The following RHBDL3 variants were observed in gnomAD, a reference collection of about 807,000 sequenced individuals.
RHBDL3 encodes rhomboid like 3.
RHBDL3 carries 28 observed loss-of-function variants against 48.2 expected under a neutral mutation model. The ratio of observed to expected loss-of-function variants is 0.58; its 90% confidence interval spans 0.43 to 0.80. RHBDL3 has a LOEUF of 0.80. RHBDL3 is among the 30% of genes least tolerant of loss of function. RHBDL3 has a pLI of 0.00. For missense variants in RHBDL3, 464 were observed against 542.7 expected (o/e 0.85, Z 1.44); for synonymous variants, 208 against 232.3 (o/e 0.90, Z 0.95).
chr17:32,296,251 A>AG (rs2040444293), intron 5 of RHBDL3, among the ~76,000 whole-genome samples: 1 of 150,206 alleles, frequency 6.7e-6, no homozygotes, highest in African/African-American at 2.5e-5. Context: ...TCAAAAAAAA[A>AG]AAAAAAAGAA....
intron 2 of RHBDL3, among the ~76,000 whole-genome samples, chr17:32,274,146 T>C (rs138596023): frequency 5.9e-5 from 9 of 152,302 alleles, no homozygotes; most frequent in East Asian, 1.9e-4. Context: ...CCCTGAACTT[T>C]CCAGAGAGAA....
At chr17:32,309,410 G>A (rs2040787732) in intron 7 of RHBDL3, among the ~76,000 whole-genome samples, 1 of 151,976 alleles carries the variant, frequency 6.6e-6, no homozygotes, top group Admixed American at 6.6e-5. Context: ...AAATTAGCTG[G>A]GTGTGGTGGT....
chr17:32,306,731 G>A (rs2040719439), intron 7 of RHBDL3, among the ~76,000 whole-genome samples: 1 of 152,120 alleles, frequency 6.6e-6, no homozygotes, highest in Non-Finnish European at 1.5e-5. Context: ...GACCAGCCCA[G>A]GCAACATGGT....
chr17:32,310,156 AC>A (rs1402631182), intron 7 of RHBDL3, among the ~76,000 whole-genome samples: 1 of 152,228 alleles, frequency 6.6e-6, no homozygotes, highest in Non-Finnish European at 1.5e-5. Context: ...CAAGATATTT[AC>A]TTACACTTCG....
In RHBDL3 at chr17:32,296,291, C is replaced by A. The variant is rs80137889; in HGVS notation, c.669-1801C>A. Among the ~76,000 whole-genome samples, 968 of 148,748 alleles carry A rather than the reference C, an allele frequency of 6.5e-3. 12 individuals are homozygous for A. The highest frequency in any genetic ancestry group is 0.022 in the African/African-American group (894 of 40,456). On this transcript the variant is annotated intron_variant, in intron 5 of 8. Transcript: ENST00000269051. ...GAAAAAAAACAGAAAACCTGGGATC[C>A]CATATCCTAGTCCTGAGGGTTTTGG...
intron 2 of RHBDL3, among the ~76,000 whole-genome samples, chr17:32,282,612 ATTCTGTGGAGATTTTTTTT>A (rs1040470555): frequency 1.2e-4 from 19 of 152,092 alleles, no homozygotes; most frequent in African/African-American, 4.6e-4. Context: ...TTCTTGTTCA[ATTCTGTGGAGATTTTTTTT>A]TTCTTTTTTG....
intron 2 of RHBDL3, among the ~76,000 whole-genome samples, chr17:32,276,084 T>A (rs993165578): frequency 6.6e-6 from 1 of 152,042 alleles, no homozygotes; most frequent in African/African-American, 2.4e-5. Flanking sequence ...ATCTGTTAAG[T>A]GGGACGAACC....
At chr17:32,315,297 A>G (rs1019021891) in intron 7 of RHBDL3, among the ~76,000 whole-genome samples, 1 of 152,244 alleles carries the variant, frequency 6.6e-6, no homozygotes, top group Non-Finnish European at 1.5e-5. Context: ...TGTTCCAGGA[A>G]GATTCCGGGC....
At chr17:32,310,226 C>T (rs2040811275) in intron 7 of RHBDL3, among the ~76,000 whole-genome samples, 1 of 152,128 alleles carries the variant, frequency 6.6e-6, no homozygotes, top group Admixed American at 6.6e-5. Flanking sequence ...CAAACTGAAC[C>T]ACATTGTCAA....
Position 32,312,767 on chromosome 17 carries a change from G to A in RHBDL3, c.883-3465G>A, listed in dbSNP as rs140137306. Among the ~76,000 whole-genome samples, 1,450 of 151,896 alleles carry A rather than the reference G, an allele frequency of 9.5e-3. 27 individuals are homozygous for A. Among genetic ancestry groups the A allele is most frequent in the African/African-American group, 0.033 (1,364 of 41,444 alleles). ...TCCTGGCCTCAAGTGATCCGCCTGC[G>A]TCAGCCTCCCAAAGTGCTGGGATTA... On this transcript the variant is annotated intron_variant, in intron 7 of 8. Coordinates refer to ENST00000269051, the MANE Select transcript of RHBDL3 (RefSeq NM_138328.3).
rs527393266 is a variant in RHBDL3 at position 32,315,981 on chromosome 17, C to T, written c.883-251C>T. Among the ~76,000 whole-genome samples the T allele has an allele frequency of 3.5e-4, 53 of 152,142 alleles. No individual in the cohort carries two copies. In the Middle Eastern group the frequency reaches 0.017, roughly 49 times the overall value. On this transcript the variant is annotated intron_variant, in intron 7 of 8. Coordinates refer to ENST00000269051, the MANE Select transcript of RHBDL3 (RefSeq NM_138328.3). ...ATGTTCTCTGTCCACGTTGAGGAGA[C>T]AGGGCCTCTCCTCTTCCTAGATCTG...
rs1316091259 is a variant in RHBDL3 at position 32,316,784 on chromosome 17, C to T, written c.943+492C>T. Among the ~76,000 whole-genome samples, 4 of 151,954 alleles carry T rather than the reference C, an allele frequency of 2.6e-5. No homozygotes were observed. The East Asian group carries it at 5.8e-4, about 22-fold the overall frequency. On this transcript the variant is annotated intron_variant, in intron 8 of 8. Coordinates refer to ENST00000269051, the MANE Select transcript of RHBDL3 (RefSeq NM_138328.3). Reference sequence around the variant, plus strand: ...CCTCCTGCCTTGGCCTCTCAAGTTGCTGGGATTACAGGTGTGAGTCACCAC... The same window carrying T: ...CCTCCTGCCTTGGCCTCTCAAGTTGTTGGGATTACAGGTGTGAGTCACCAC...
chr17:32,277,077 G>A (rs905315569), intron 2 of RHBDL3, among the ~76,000 whole-genome samples: 2 of 152,310 alleles, frequency 1.3e-5, no homozygotes, highest in East Asian at 1.9e-4. Context: ...ATGGGGATCC[G>A]GGTGGGAACC....
intron 4 of RHBDL3, among the ~76,000 whole-genome samples, chr17:32,289,726 C>A (rs575651167): frequency 3.3e-5 from 5 of 152,214 alleles, no homozygotes; most frequent in Non-Finnish European, 7.3e-5. Context: ...TTTGGGTCCT[C>A]CACTCAACAA....
intron 2 of RHBDL3, among the ~76,000 whole-genome samples, chr17:32,270,123 A>AC: frequency 8.0e-6 from 1 of 124,858 alleles, no homozygotes; most frequent in Admixed American, 8.4e-5. Flanking sequence ...AAAAAGTGAG[A>AC]CCCTTTCTCA....
chr17:32,320,863 A>G, intron 8 of RHBDL3, 95 bp from the exon 9 acceptor site: 1 of 861,554 alleles, frequency 1.2e-6, no homozygotes, highest in East Asian at 2.4e-5. Context: ...GCTTGGCCTA[A>G]TAGGGAATGA....
chr17:32,273,596 C>T (rs1260814061), intron 2 of RHBDL3, among the ~76,000 whole-genome samples: 4 of 152,196 alleles, frequency 2.6e-5, no homozygotes, highest in Non-Finnish European at 5.9e-5. Flanking sequence ...GTACCTTCCC[C>T]CCTACGTTGT....
chr17:32,297,572 G>A (rs1284136842), intron 5 of RHBDL3, among the ~76,000 whole-genome samples: 2 of 150,630 alleles, frequency 1.3e-5, no homozygotes, highest in African/African-American at 2.4e-5. Flanking sequence ...GAACTGTTGT[G>A]TCAGCGTGGC....
At position 32,320,982 on chromosome 17, in the gene RHBDL3, T is replaced by C; in HGVS notation, c.968T>C (p.Val323Ala). The change falls in exon 9 of 9, where the codon GTG (valine) becomes GCG (alanine). Residue 323 changes from valine (V) to alanine (A), a missense_variant. Physicochemically the swap from Val to Ala is moderately conservative, Grantham distance 64. Transcript: ENST00000269051. ...ICMSMEFGRA[V>A]WLRFHPSAYP... is the part of the protein sequence containing the mutation. ...GTGAGCATGGAGTTTGGGCGGGCCG[T>C]GTGGCTCCGCTTCCACCCGTCGGCC... 1 of 1,613,132 alleles carries C rather than the reference T, an allele frequency of 6.2e-7. No individual in the cohort carries two copies. Among genetic ancestry groups the C allele is most frequent in the African/African-American group, 1.3e-5 (1 of 75,028 alleles).
Sources: gnomAD v4.1 joint callset for allele counts (sites outside exome capture counted in the v4.1 genomes callset) on GRCh38, gnomAD v4.1.1 for gene constraint, MANE v1.5 for transcripts, NCBI Gene and HGNC (gene_info 2026-07-23, HGNC 2026-07-21) for gene names.